Variants in MAPK8IP3 observed in about 807,000 individuals in gnomAD.
The protein encoded by MAPK8IP3 is mitogen-activated protein kinase 8 interacting protein 3.
A neutral mutation model predicts 157.8 loss-of-function variants in MAPK8IP3; 49 were observed. The observed-to-expected ratio is 0.31, with a 90% confidence interval of 0.25 to 0.39. The LOEUF is 0.39. MAPK8IP3 is among the 10% of genes least tolerant of loss of function. The pLI is 1.00. For synonymous variants in MAPK8IP3, 897 were observed against 777.7 expected (o/e 1.15, Z -2.55); for missense variants, 1,478 against 1,889.4 (o/e 0.78, Z 4.04).
In MAPK8IP3 at chr16:1,766,519, C is replaced by G; in HGVS notation, c.2820-10C>G. ...CGTGGCCCCCCCTGGAGCCACCGTT[C>G]TTCCTGCAGCGAGAACGGGCCAGAG... On this transcript the variant is annotated splice_polypyrimidine_tract_variant and intron_variant, in intron 22 of 31. Coordinates refer to ENST00000610761, the MANE Select transcript of MAPK8IP3 (RefSeq NM_001318852.2). 10 of 1,610,858 alleles carry G rather than the reference C, an allele frequency of 6.2e-6. No individual in the cohort carries two copies. Among genetic ancestry groups the G allele is most frequent in the Non-Finnish European group, 7.6e-6 (9 of 1,179,634 alleles).
rs1416138170 is a variant in MAPK8IP3, at chr16:1,765,009, A to G, written c.2281-4A>G. 1 of 1,598,454 alleles carries G rather than the reference A, an allele frequency of 6.3e-7. No homozygotes were observed. The highest frequency in any genetic ancestry group is 1.1e-5 in the South Asian group (1 of 90,716). On this transcript the variant is annotated splice_polypyrimidine_tract_variant and splice_region_variant and intron_variant, in intron 19 of 31. Transcript: ENST00000610761. ...TCTGACCTTGATCCCGTGCCCTGAA[A>G]CAGGCCAAGGAGCTCCCTGAAATGG...
chr16:1,748,690 G>C lies in MAPK8IP3; in HGVS notation c.1186G>C (p.Gly396Arg). 1 of 1,614,224 alleles carries C rather than the reference G, an allele frequency of 6.2e-7. No homozygotes were observed. The highest frequency in any genetic ancestry group is 1.3e-5 in the African/African-American group (1 of 75,076). ...GTCGACGGCAGGGTCTGAGGTCATC[G>C]GGGATGTGGACGAAGGGGCCGACCT... Reference protein sequence around the residue: ...ELSTAGSEVIGDVDEGADLLG... With the variant: ...ELSTAGSEVIRDVDEGADLLG... Residue 396 changes from glycine (G) to arginine (R), a missense_variant, in exon 8 of 32, where the codon GGG (glycine) becomes CGG (arginine). Physicochemically the swap from Gly to Arg is moderately radical, Grantham distance 125. This residue lies in a region of MAPK8IP3 where 315 missense variants were observed against 394.4 expected (regional missense o/e 0.80). Coordinates refer to ENST00000610761, the MANE Select transcript of MAPK8IP3 (RefSeq NM_001318852.2).
intron 5 of MAPK8IP3, chr16:1,746,168 G>A (rs1292983445): frequency 6.6e-6 from 1 of 152,268 alleles, no homozygotes; most frequent in African/African-American, 2.4e-5. Context: ...GAGGGCCGGG[G>A]GCCACGGGCA....
intron 1 of MAPK8IP3, among the ~76,000 whole-genome samples, chr16:1,723,413 G>T (rs574831797): frequency 6.6e-6 from 1 of 152,166 alleles, no homozygotes; most frequent in East Asian, 1.9e-4. Context: ...CACTCACTCA[G>T]GCTGGTGGCT....
chr16:1,727,055 G>A (rs902835276), intron 2 of MAPK8IP3, among the ~76,000 whole-genome samples: 32 of 151,944 alleles, frequency 2.1e-4, no homozygotes, highest in African/African-American at 7.2e-4. Flanking sequence ...TGTGTGCTGT[G>A]TATGAGTGTT....
In MAPK8IP3 at chr16:1,768,372, G is replaced by T; in HGVS notation, c.3736G>T (p.Val1246Leu). Residue 1246 changes from valine (V) to leucine (L), a missense_variant, in exon 30 of 32, where the codon GTG becomes TTG. By Grantham distance (32) the Val-to-Leu change is conservative. Transcript: ENST00000610761. ...HRDAVKFFVS[V>L]PGNVLATLNG... Reference sequence around the variant, plus strand: ...CGATGCCGTGAAGTTCTTTGTCTCGGTGCCAGGTGAGGCTGGGCCCCTCCT... The same window carrying T: ...CGATGCCGTGAAGTTCTTTGTCTCGTTGCCAGGTGAGGCTGGGCCCCTCCT... 1 of 1,600,550 alleles carries T rather than the reference G, an allele frequency of 6.2e-7. No individual in the cohort carries two copies. The highest frequency in any genetic ancestry group is 8.5e-7 in the Non-Finnish European group (1 of 1,179,192).
At chr16:1,709,668 G>A (rs1298880384) in intron 1 of MAPK8IP3, among the ~76,000 whole-genome samples, 2 of 152,212 alleles carry the variant, frequency 1.3e-5, no homozygotes, top group African/African-American at 2.4e-5. Context: ...GCAGCTGAAC[G>A]GGGTGGGGGC....
At chr16:1,736,677 AGCAT>A in intron 4 of MAPK8IP3, among the ~76,000 whole-genome samples, 1 of 60,134 alleles carries the variant, frequency 1.7e-5, no homozygotes. Context: ...CGTCCGTGTG[AGCAT>A]CCGTGTGACC....
Position 1,764,348 on chromosome 16 carries a change from G to C in MAPK8IP3, c.2169G>C (p.Glu723Asp), listed in dbSNP as rs775180762. 1.3e-6 allele frequency: 2 copies of C among 1,579,370 alleles called. No individual in the cohort carries two copies. Among genetic ancestry groups the C allele is most frequent in the East Asian group, 2.3e-5 (1 of 43,012 alleles). The change falls in exon 19 of 32, where the codon GAG (glutamate) becomes GAC (aspartate). Residue 723 changes from glutamate (E) to aspartate (D), a missense_variant. Coordinates refer to ENST00000610761, the MANE Select transcript of MAPK8IP3 (RefSeq NM_001318852.2). ...ACCTGAGCGGGTGGAGGCCCAATGAGGACGACGCTGGGAATGGAGTCAAGC... is the reference window on the plus strand; with the variant it reads ...ACCTGAGCGGGTGGAGGCCCAATGACGACGACGCTGGGAATGGAGTCAAGC... ...GVNLSGWRPN[E>D]DDAGNGVKPA...
At chr16:1,739,029 AG>A (rs2040370792) in intron 4 of MAPK8IP3, among the ~76,000 whole-genome samples, 6 of 116,426 alleles carry the variant, frequency 5.2e-5, no homozygotes, top group South Asian at 6.3e-4. Flanking sequence ...CATCTGTGTG[AG>A]CGTCCGTGTG....
At chr16:1,728,445 C>G (rs2039049186) in intron 2 of MAPK8IP3, among the ~76,000 whole-genome samples, 1 of 152,240 alleles carries the variant, frequency 6.6e-6, no homozygotes, top group Non-Finnish European at 1.5e-5. Flanking sequence ...CCTGGCGTGC[C>G]TGGGTTTTGC....
At chr16:1,711,104 A>G (rs931129515) in intron 1 of MAPK8IP3, among the ~76,000 whole-genome samples, 1 of 152,272 alleles carries the variant, frequency 6.6e-6, no homozygotes, top group Non-Finnish European at 1.5e-5. Flanking sequence ...TTCCAAAATT[A>G]AGATTTCTAA....
chr16:1,706,693 C>T lies in MAPK8IP3; in HGVS notation c.318+36C>T, dbSNP rs1162100075. On this transcript the variant is annotated intron_variant, in intron 1 of 31. Transcript: ENST00000610761. The surrounding 1 kb of genome is among the most constrained non-coding windows in gnomAD (Gnocchi z 5.1). ...CGCGGGACCCGCCCGCATCCCCGTC[C>T]CGGACCCCCAGCCAGCCCCGGGCCC... is the stretch of plus-strand genomic sequence containing the variant. The T allele has an allele frequency of 6.6e-7, 1 of 1,506,048 alleles. No individual in the cohort carries two copies. The highest frequency in any genetic ancestry group is 8.9e-7 in the Non-Finnish European group (1 of 1,128,352). The allele number at this position is 1,506,048 out of a possible 1,614,324, so 93.3% of individuals were successfully genotyped here. A position where few individuals can be genotyped will look rare whatever the true frequency, so the allele number is the denominator to read the frequency against.
At chr16:1,736,106 C>A (rs1470991287) in intron 4 of MAPK8IP3, among the ~76,000 whole-genome samples, 1 of 108,160 alleles carries the variant, frequency 9.2e-6, no homozygotes, top group Non-Finnish European at 1.8e-5. Context: ...ATGTGAGCAT[C>A]CGTGTGACCG....
At chr16:1,748,802 A>G (rs1325249947) in intron 8 of MAPK8IP3, 82 bp downstream of exon 8, 2 of 1,255,900 alleles carry the variant, frequency 1.6e-6, no homozygotes, top group Non-Finnish European at 2.3e-6. Flanking sequence ...TAATGAAAGG[A>G]AAGTCCTCTG....
chr16:1,709,194 G>A (rs1409172733), intron 1 of MAPK8IP3, among the ~76,000 whole-genome samples: 1 of 152,190 alleles, frequency 6.6e-6, no homozygotes. Flanking sequence ...CCATCTTCTT[G>A]CCGGTCATTA....
chr16:1,740,657 C>T (rs886518206), intron 4 of MAPK8IP3, among the ~76,000 whole-genome samples: 2 of 152,238 alleles, frequency 1.3e-5, no homozygotes, highest in African/African-American at 2.4e-5. Context: ...TCTGTGCTGT[C>T]GCTGCCGTGT....
chr16:1,766,182 C>T lies in MAPK8IP3; in HGVS notation c.2630-38C>T, dbSNP rs563840292. On this transcript the variant is annotated intron_variant, in intron 21 of 31. Coordinates refer to ENST00000610761, the MANE Select transcript of MAPK8IP3 (RefSeq NM_001318852.2). ...AGTTTCCCCCATCCCCTCATTCCCACGTTTCTGCCCAGCCCAAGCTCACCT... is the reference window on the plus strand; with the variant it reads ...AGTTTCCCCCATCCCCTCATTCCCATGTTTCTGCCCAGCCCAAGCTCACCT... The T allele has an allele frequency of 2.7e-4, 438 of 1,601,658 alleles. 2 individuals carry two copies. The highest frequency in any genetic ancestry group is 1.2e-3 in the Admixed American group (72 of 59,818).
At chr16:1,736,621 TGTGAGCGTCCGTGTGAGC>T (rs2039875265) in intron 4 of MAPK8IP3, among the ~76,000 whole-genome samples, 2 of 66,970 alleles carry the variant, frequency 3.0e-5, no homozygotes, top group Non-Finnish European at 5.8e-5. Context: ...TGACCGTCCG[TGTGAGCGTCCGTGTGAGC>T]GTGTGACCGT....
Sources: allele counts gnomAD v4.1 joint callset (sites outside exome capture counted in the v4.1 genomes callset), GRCh38; gene constraint gnomAD v4.1.1; regional missense constraint gnomAD v4.1.1; non-coding constraint Gnocchi (gnomAD v3.1); transcripts MANE v1.5; gene names NCBI Gene and HGNC (gene_info 2026-07-23, HGNC 2026-07-21).